The following DOCK4 variants were observed in gnomAD, a reference collection of about 807,000 sequenced individuals.
The protein encoded by DOCK4 is dedicator of cytokinesis 4.
Under a neutral mutation model 268.1 loss-of-function variants are expected in DOCK4, and 97 were observed. The ratio of observed to expected loss-of-function variants is 0.36; its 90% CI spans 0.31 to 0.43. The LOEUF is 0.43. DOCK4 is among the 20% of genes least tolerant of loss of function. DOCK4 has a pLI of 1.00. For missense variants in DOCK4, 2,145 were observed against 2,455.7 expected, an observed-to-expected ratio of 0.87 and a Z score of 2.67; for synonymous variants, 954 against 887.2, an observed-to-expected ratio of 1.08 and a Z score of -1.34.
At chr7:112,171,582 C>T (rs1238724985) in intron 1 of DOCK4, among the ~76,000 whole-genome samples, 1 of 152,210 alleles carries the variant, frequency 6.6e-6, no homozygotes, top group Admixed American at 6.5e-5. Flanking sequence ...GTGAACCAAC[C>T]ACATGATGTG....
At chr7:111,744,227 T>TGACA (rs1201565979) in intron 44 of DOCK4, among the ~76,000 whole-genome samples, 2 of 152,208 alleles carry the variant, frequency 1.3e-5, no homozygotes, top group Non-Finnish European at 2.9e-5. Flanking sequence ...CTGAAGGGCC[T>TGACA]GACAGCTGGA....
intron 1 of DOCK4, among the ~76,000 whole-genome samples, chr7:112,035,515 A>T (rs745700970): frequency 1.8e-4 from 27 of 152,186 alleles, no homozygotes; most frequent in Non-Finnish European, 3.7e-4. Flanking sequence ...GAAATCAGGA[A>T]ATGCATGGAA....
intron 1 of DOCK4, among the ~76,000 whole-genome samples, chr7:112,021,485 G>C (rs978638240): frequency 6.6e-6 from 1 of 152,168 alleles, no homozygotes; most frequent in African/African-American, 2.4e-5. Context: ...TACACATAAA[G>C]TGGAATAAAA....
At chr7:112,180,374 T>G (rs1275689456) in intron 1 of DOCK4, among the ~76,000 whole-genome samples, 1 of 152,206 alleles carries the variant, frequency 6.6e-6, no homozygotes, top group Non-Finnish European at 1.5e-5. Context: ...TCTTCACTTC[T>G]GCAGACAACT....
intron 8 of DOCK4, among the ~76,000 whole-genome samples, chr7:111,959,231 G>C (rs996583925): frequency 3.3e-5 from 5 of 152,056 alleles, no homozygotes; most frequent in Non-Finnish European, 5.9e-5. Context: ...AGATGATATT[G>C]CCACAATCCA....
intron 12 of DOCK4, among the ~76,000 whole-genome samples, chr7:111,934,695 A>C (rs2134709346): frequency 6.9e-6 from 1 of 145,824 alleles, no homozygotes; most frequent in South Asian, 2.2e-4. Context: ...ATGCCCGGCT[A>C]ATTTTTGTAT....
chr7:112,029,515 G>C (rs747742750), intron 1 of DOCK4, among the ~76,000 whole-genome samples: 8 of 152,314 alleles, frequency 5.3e-5, no homozygotes, highest in Admixed American at 2.0e-4. Flanking sequence ...CCAGCAATTG[G>C]TGTTTGCAAC....
At chr7:111,915,650 T>A (rs1020215769) in intron 13 of DOCK4, 129 bp downstream of exon 13, 1 of 858,462 alleles carries the variant, frequency 1.2e-6, no homozygotes, top group Non-Finnish European at 1.7e-6. Flanking sequence ...TACAGTCACA[T>A]ACCTCATTTC....
At chr7:112,102,369 G>A (rs1810775244) in intron 1 of DOCK4, among the ~76,000 whole-genome samples, 1 of 152,132 alleles carries the variant, frequency 6.6e-6, no homozygotes, top group Admixed American at 6.5e-5. Context: ...GGAGCCAAAT[G>A]CCAGGGTTCA....
chr7:111,850,498 C>T (rs1804459712), intron 23 of DOCK4, among the ~76,000 whole-genome samples: 1 of 152,126 alleles, frequency 6.6e-6, no homozygotes, highest in Admixed American at 6.5e-5. Flanking sequence ...ACGTACTGTC[C>T]TCAGAGCCCA....
At chr7:111,731,751 T>C (rs984576220) in intron 52 of DOCK4, among the ~76,000 whole-genome samples, 8 of 152,344 alleles carry the variant, frequency 5.3e-5, no homozygotes, top group Non-Finnish European at 8.8e-5. Context: ...GTATAAAATA[T>C]TAACAGAGAA....
At chr7:112,156,370 G>A (rs1816614140) in intron 1 of DOCK4, among the ~76,000 whole-genome samples, 1 of 152,272 alleles carries the variant, frequency 6.6e-6, no homozygotes, top group Middle Eastern at 3.4e-3. Flanking sequence ...TTTCTTAGAA[G>A]TAATGAAAAG....
intron 12 of DOCK4, among the ~76,000 whole-genome samples, chr7:111,933,488 T>G (rs559688126): frequency 3.7e-4 from 56 of 151,140 alleles, no homozygotes; most frequent in African/African-American, 1.3e-3. Context: ...TAGAGACGGG[T>G]GTTTCACCAT....
chr7:112,011,746 C>CAAAAAA (rs1302082225), intron 1 of DOCK4, among the ~76,000 whole-genome samples: 2 of 56,354 alleles, frequency 3.5e-5, no homozygotes, highest in South Asian at 5.1e-4. Context: ...AACTGAAGGT[C>CAAAAAA]AAAAAAAAAA....
rs1417190178 is a variant in DOCK4 at position 111,788,697 on chromosome 7, T to C, written c.3366A>G (p.Lys1122=). The C allele has an allele frequency of 1.3e-6, 2 of 1,593,598 alleles. No homozygotes were observed. Among genetic ancestry groups the C allele is most frequent in the Non-Finnish European group, 1.7e-6 (2 of 1,168,730 alleles). The change falls in exon 32 of 53, where the codon AAA becomes AAG. Residue 1122 remains lysine, a synonymous_variant. Transcript: ENST00000428084. ...AGAGCTCGCGGTATGTTTCGTCACC[T>C]TTGCCTTCTGACATCAGGCTATCCA... The part of the protein sequence containing the change: ...DKLDSLMSEG[K]GDETYRELFN...
chr7:111,997,136 G>A (rs1480353132), intron 4 of DOCK4, among the ~76,000 whole-genome samples: 1 of 152,194 alleles, frequency 6.6e-6, no homozygotes, highest in Non-Finnish European at 1.5e-5. Flanking sequence ...CATATGGCTG[G>A]AGTGTATTCT....
chr7:112,170,057 T>C (rs1365823847), intron 1 of DOCK4, among the ~76,000 whole-genome samples: 1 of 151,800 alleles, frequency 6.6e-6, no homozygotes, highest in Non-Finnish European at 1.5e-5. Context: ...AAGCAAAATT[T>C]GAAAGAGGAA....
chr7:112,131,320 G>C (rs890831857), intron 1 of DOCK4, among the ~76,000 whole-genome samples: 1 of 152,112 alleles, frequency 6.6e-6, no homozygotes, highest in Non-Finnish European at 1.5e-5. Flanking sequence ...TGTGTACCTG[G>C]GAAGGGCAAA....
chr7:111,733,662 C>G (rs1038796009), intron 51 of DOCK4, among the ~76,000 whole-genome samples: 1 of 152,104 alleles, frequency 6.6e-6, no homozygotes, highest in Non-Finnish European at 1.5e-5. Flanking sequence ...ATATTTGCAT[C>G]AATATTATTC....
Sources: allele counts gnomAD v4.1 joint callset (sites outside exome capture counted in the v4.1 genomes callset), GRCh38; gene constraint gnomAD v4.1.1; transcripts MANE v1.5; gene names NCBI Gene and HGNC (gene_info 2026-07-23, HGNC 2026-07-21).